Variants in TENM3 observed in about 807,000 individuals in gnomAD.
The protein encoded by TENM3 is teneurin transmembrane protein 3, also known as teneurin-3.
Under a neutral mutation model 255.1 loss-of-function variants are expected in TENM3, and 63 were observed. That is an observed-to-expected ratio of 0.25 (90% CI 0.20 to 0.30). TENM3 has a LOEUF of 0.30. Among genes scored for constraint, TENM3 ranks in the 10% least tolerant of loss-of-function variants. The pLI is 1.00. For synonymous variants in TENM3, 1,306 were observed against 1,322.3 expected, an observed-to-expected ratio of 0.99 and a Z score of 0.27; for missense variants, 2,929 against 3,461.1, an observed-to-expected ratio of 0.85 and a Z score of 3.86.
chr4:181,566,741 A>G, the TENM3 span, among the ~76,000 whole-genome samples: 19 of 152,180 alleles, frequency 1.2e-4, no homozygotes, highest in Non-Finnish European at 2.4e-4. Flanking sequence ...TTCACACTAC[A>G]TCCACCACAA....
the TENM3 span, among the ~76,000 whole-genome samples, chr4:182,121,772 G>A: frequency 2.6e-5 from 4 of 152,176 alleles, no homozygotes; most frequent in African/African-American, 9.6e-5. Context: ...CAGGGTGGTA[G>A]GTGCAGAAGG....
At chr4:182,253,193 C>T (rs55734143) in intron 1 of TENM3, among the ~76,000 whole-genome samples, 3,473 of 152,206 alleles carry the variant, frequency 0.023, 142 homozygotes, top group African/African-American at 0.078. Flanking sequence ...ACCAAGAGGC[C>T]GGGTGTGGTG....
At chr4:182,293,317 A>G (rs979112319) in intron 1 of TENM3, among the ~76,000 whole-genome samples, 5 of 152,194 alleles carry the variant, frequency 3.3e-5, no homozygotes, top group Middle Eastern at 3.4e-3. Flanking sequence ...ACTTGCTAAC[A>G]GTGGCACCAG....
rs1406684931 is a variant in TENM3 at position 182,729,138 on chromosome 4, G to T, written c.2542G>T (p.Asp848Tyr). The T allele has an allele frequency of 6.2e-7, 1 of 1,613,868 alleles. No homozygotes were observed. The change falls in exon 14 of 28, where the codon GAT (aspartate) becomes TAT (tyrosine). Residue 848 changes from aspartate (D) to tyrosine (Y), a missense_variant. Transcript: ENST00000511685. ...YDRISFLIGS[D>Y]STHVIPGESP... ...TCGAATCAGTTTCCTTATAGGATCT[G>T]ATAGCACCCATGTTATACCTGGAGA...
intron 1 of TENM3, among the ~76,000 whole-genome samples, chr4:182,291,956 T>C (rs912318977): frequency 2.6e-5 from 4 of 152,170 alleles, no homozygotes; most frequent in African/African-American, 9.7e-5. Flanking sequence ...AGAATGGTTT[T>C]CTTTGTAATC....
At chr4:181,815,017 A>G in the TENM3 span, among the ~76,000 whole-genome samples, 192 of 152,312 alleles carry the variant, frequency 1.3e-3, 2 homozygotes, top group African/African-American at 4.5e-3. Flanking sequence ...TAAACCCCTC[A>G]AGAGCCTGAT....
the TENM3 span, among the ~76,000 whole-genome samples, chr4:181,598,082 C>A: frequency 6.6e-6 from 1 of 152,054 alleles, no homozygotes; most frequent in Non-Finnish European, 1.5e-5. Flanking sequence ...TACTGAATAC[C>A]GGACAGACAT....
the TENM3 span, among the ~76,000 whole-genome samples, chr4:181,667,145 C>T: frequency 2.6e-5 from 4 of 152,148 alleles, no homozygotes; most frequent in Non-Finnish European, 5.9e-5. Flanking sequence ...CCATATTCTT[C>T]TCCATAAGTC....
chr4:182,057,252 G>A, the TENM3 span, among the ~76,000 whole-genome samples: 22 of 151,088 alleles, frequency 1.5e-4, no homozygotes, highest in African/African-American at 4.1e-4. Context: ...ATTGAACACC[G>A]GAGGAATCAG....
the TENM3 span, among the ~76,000 whole-genome samples, chr4:182,043,527 C>T: frequency 6.6e-6 from 1 of 152,114 alleles, no homozygotes; most frequent in African/African-American, 2.4e-5. Flanking sequence ...TCCTCAAATC[C>T]TCCTCCTGAC....
chr4:182,448,364 C>T (rs1378291897), intron 3 of TENM3, among the ~76,000 whole-genome samples: 1 of 152,136 alleles, frequency 6.6e-6, no homozygotes, highest in Non-Finnish European at 1.5e-5. Flanking sequence ...AGGCTGGGGG[C>T]CCTGCGACCG....
At chr4:182,232,865 G>A (rs935034439) in intron 1 of TENM3, among the ~76,000 whole-genome samples, 2 of 152,154 alleles carry the variant, frequency 1.3e-5, no homozygotes, top group Non-Finnish European at 2.9e-5. Context: ...TGGACAAAAG[G>A]AGGATTCACA....
chr4:182,153,766 G>C (rs1435599696), intron 1 of TENM3, among the ~76,000 whole-genome samples: 2 of 152,008 alleles, frequency 1.3e-5, no homozygotes, highest in Non-Finnish European at 2.9e-5. Context: ...TATCAAGTTT[G>C]GTAAATTTTA....
the TENM3 span, among the ~76,000 whole-genome samples, chr4:181,737,190 C>T: frequency 6.6e-6 from 1 of 152,076 alleles, no homozygotes; most frequent in African/African-American, 2.4e-5. Flanking sequence ...TATATTGTTC[C>T]ACTTACAATT....
intron 3 of TENM3, among the ~76,000 whole-genome samples, chr4:182,575,537 T>G (rs1392960078): frequency 6.6e-6 from 1 of 152,180 alleles, no homozygotes; most frequent in East Asian, 1.9e-4. Context: ...CACAGGCTTT[T>G]AATATTCCAT....
At chr4:181,516,061 T>A in the TENM3 span, among the ~76,000 whole-genome samples, 229 of 152,174 alleles carry the variant, frequency 1.5e-3, no homozygotes, top group African/African-American at 5.3e-3. Flanking sequence ...TGGAGGGACA[T>A]AGATGGAGCT....
At chr4:181,576,303 A>T in the TENM3 span, among the ~76,000 whole-genome samples, 6 of 152,202 alleles carry the variant, frequency 3.9e-5, no homozygotes, top group East Asian at 1.2e-3. Flanking sequence ...GCTGAATAGT[A>T]TTCCATTGTG....
upstream of TENM3, chr4:182,142,206 G>C (rs1050600771): frequency 6.6e-6 from 1 of 152,092 alleles, no homozygotes; most frequent in Non-Finnish European, 1.5e-5. Flanking sequence ...TTTCAAGTGT[G>C]AAATTCAGTG....
chr4:182,649,412 TC>T (rs1235768653), intron 5 of TENM3, among the ~76,000 whole-genome samples: 2 of 150,530 alleles, frequency 1.3e-5, no homozygotes, highest in Non-Finnish European at 3.0e-5. Context: ...CAAATTTCAT[TC>T]TGCCTTGGAT....
Sources: allele counts gnomAD v4.1 joint callset (sites outside exome capture counted in the v4.1 genomes callset), GRCh38; gene constraint gnomAD v4.1.1; transcripts MANE v1.5; gene names NCBI Gene and HGNC (gene_info 2026-07-23, HGNC 2026-07-21).